NEMP2: variants seen among roughly 807,000 people sequenced by gnomAD.
NEMP2 encodes the protein nuclear envelope integral membrane protein 2, also known as UPF0571 transmembrane protein.
Under a neutral mutation model 54.2 loss-of-function variants are expected in NEMP2, and 53 were observed. The observed-to-expected ratio is 0.98, with a 90% confidence interval of 0.78 to 1.23. The LOEUF is 1.23. Ranked by LOEUF, NEMP2 falls within the 50% of genes most tolerant of loss-of-function variation. The pLI is 0.00. For synonymous variants in NEMP2, 197 were observed against 190.3 expected (o/e 1.04, Z -0.29); for missense variants, 455 against 511.3 (o/e 0.89, Z 1.06).
At chr2:190,603,591 A>G in the NEMP2 span, among the ~76,000 whole-genome samples, 1 of 145,638 alleles carries the variant, frequency 6.9e-6, no homozygotes, top group African/African-American at 2.6e-5. Flanking sequence ...CTAGTATGCA[A>G]TGCATCAGAG....
chr2:190,584,939 G>GAAAGAAAGAAAA, the NEMP2 span, among the ~76,000 whole-genome samples: 236 of 146,026 alleles, frequency 1.6e-3, 2 homozygotes, highest in African/African-American at 5.8e-3. This position sits in a 1 kb window ranked among gnomAD's most constrained non-coding sequence, Gnocchi z 4.2. Context: ...AAGAAAGAAA[G>GAAAGAAAGAAAA]AAAGAAAGAA....
chr2:190,478,507 A>C, the NEMP2 span, among the ~76,000 whole-genome samples: 1 of 152,316 alleles, frequency 6.6e-6, no homozygotes, highest in South Asian at 2.1e-4. Flanking sequence ...TTGTTTTGCT[A>C]GTTTGGATTC....
the NEMP2 span, among the ~76,000 whole-genome samples, chr2:190,467,742 G>C: frequency 4.6e-5 from 7 of 152,054 alleles, no homozygotes; most frequent in Non-Finnish European, 1.0e-4. This position sits in a 1 kb window ranked among gnomAD's most constrained non-coding sequence, Gnocchi z 5.5. Context: ...ATGTTTAAAT[G>C]GTTGAAAAAA....
chr2:190,621,935 C>A, the NEMP2 span, among the ~76,000 whole-genome samples: 1 of 152,032 alleles, frequency 6.6e-6, no homozygotes, highest in East Asian at 1.9e-4. Context: ...ATGGTGAAAC[C>A]CCGTCTCTAC....
At chr2:190,511,852 C>A (rs1690378456) in intron 7 of NEMP2, among the ~76,000 whole-genome samples, 1 of 151,092 alleles carries the variant, frequency 6.6e-6, no homozygotes, top group South Asian at 2.1e-4. Context: ...CTGCGCCCGG[C>A]CTAAAACATT....
In NEMP2 at chr2:190,525,286, T is replaced by C. The variant is rs1690892669; in HGVS notation, c.190A>G (p.Lys64Glu). Residue 64 changes from lysine (K) to glutamate (E), a missense_variant, in exon 2 of 9, where the codon AAA becomes GAA. Physicochemically the swap from Lys to Glu is moderately conservative, Grantham distance 56. Around this residue, in one of 3 missense-constraint regions of NEMP2, gnomAD observed 61 missense variants for 97.5 expected, o/e 0.63. Coordinates refer to ENST00000409150, the MANE Select transcript of NEMP2 (RefSeq NM_001142645.2). This position sits in a 1 kb window ranked among gnomAD's most constrained non-coding sequence, Gnocchi z 5.0. ...CYNQNSQVEW[K>E]YIWSTMQVKI... ...ACCTGCATAGTTGACCATATGTATT[T>C]CCACTCCACTTGGGAATTTTGATTG... 6.5e-7 allele frequency: 1 copy of C among 1,548,134 alleles called. No individual in the cohort carries two copies. Among genetic ancestry groups the C allele is most frequent in the Admixed American group, 2.0e-5 (1 of 50,958 alleles).
the NEMP2 span, among the ~76,000 whole-genome samples, chr2:190,433,723 A>C: frequency 6.6e-6 from 1 of 152,204 alleles, no homozygotes; most frequent in Non-Finnish European, 1.5e-5. The surrounding 1 kb of genome is among the most constrained non-coding windows in gnomAD (Gnocchi z 4.5). Context: ...GACTCCTTAC[A>C]CAGGTCTCCT....
At chr2:190,639,636 G>GTTTTTTTTTTT in the NEMP2 span, among the ~76,000 whole-genome samples, 2 of 143,960 alleles carry the variant, frequency 1.4e-5, no homozygotes, top group Non-Finnish European at 1.5e-5. Context: ...TTATTGTTGA[G>GTTTTTTTTTTT]TTTTTTTTTT....
At chr2:190,460,805 G>A in the NEMP2 span, among the ~76,000 whole-genome samples, 1 of 152,190 alleles carries the variant, frequency 6.6e-6, no homozygotes, top group Admixed American at 6.5e-5. Context: ...TCATCCCTGC[G>A]AGTGGGAGGA....
chr2:190,604,690 C>A, the NEMP2 span, among the ~76,000 whole-genome samples: 1 of 152,154 alleles, frequency 6.6e-6, no homozygotes, highest in African/African-American at 2.4e-5. The surrounding 1 kb of genome is among the most constrained non-coding windows in gnomAD (Gnocchi z 4.5). Context: ...GTCCACTGCA[C>A]CACTCTGCCT....
the NEMP2 span, among the ~76,000 whole-genome samples, chr2:190,478,494 G>T: frequency 9.8e-5 from 15 of 152,316 alleles, no homozygotes; most frequent in Admixed American, 5.2e-4. Flanking sequence ...TGACTGAAGA[G>T]GTTTGTTTTG....
the NEMP2 span, chr2:190,444,772 C>CT: frequency 3.9e-6 from 1 of 254,300 alleles, no homozygotes; most frequent in African/African-American, 2.3e-5. Flanking sequence ...AGTTTTGAAA[C>CT]TGAGTATTAG....
chr2:190,465,425 C>CT, the NEMP2 span, among the ~76,000 whole-genome samples: 5 of 150,912 alleles, frequency 3.3e-5, no homozygotes, highest in African/African-American at 4.9e-5. This position sits in a 1 kb window ranked among gnomAD's most constrained non-coding sequence, Gnocchi z 4.6. Flanking sequence ...CGTGGAGAGA[C>CT]TTTTTTTTTC....
chr2:190,446,827 A>G, the NEMP2 span, among the ~76,000 whole-genome samples: 1 of 152,168 alleles, frequency 6.6e-6, no homozygotes, highest in South Asian at 2.1e-4. Flanking sequence ...GCTGAGCTTA[A>G]ATGTCAACCT....
chr2:190,561,280 G>C, the NEMP2 span, among the ~76,000 whole-genome samples: 2 of 152,178 alleles, frequency 1.3e-5, no homozygotes, highest in Non-Finnish European at 2.9e-5. The surrounding 1 kb of genome is among the most constrained non-coding windows in gnomAD (Gnocchi z 5.4). Flanking sequence ...CCTTAACCCT[G>C]TCTCAGATAG....
the NEMP2 span, chr2:190,488,828 G>T: frequency 6.5e-7 from 1 of 1,531,386 alleles, no homozygotes; most frequent in East Asian, 2.4e-5. This position sits in a 1 kb window ranked among gnomAD's most constrained non-coding sequence, Gnocchi z 6.4. Context: ...GGTAAGAATG[G>T]CTTTCTCCTT....
At chr2:190,584,532 A>G in the NEMP2 span, among the ~76,000 whole-genome samples, 2 of 152,132 alleles carry the variant, frequency 1.3e-5, no homozygotes, top group Non-Finnish European at 2.9e-5. The surrounding 1 kb of genome is among the most constrained non-coding windows in gnomAD (Gnocchi z 4.2). Flanking sequence ...AGAGCACATA[A>G]AAATTCATGC....
At chr2:190,486,147 C>T in the NEMP2 span, among the ~76,000 whole-genome samples, 13 of 152,204 alleles carry the variant, frequency 8.5e-5, no homozygotes, top group Admixed American at 7.2e-4. Context: ...GTTTAGCCTA[C>T]GGCTAATTAT....
chr2:190,532,418 T>C (rs961545644), intron 1 of NEMP2, among the ~76,000 whole-genome samples: 3 of 152,214 alleles, frequency 2.0e-5, no homozygotes, highest in African/African-American at 4.8e-5. Flanking sequence ...TGGACTGTTA[T>C]AGTTTAAGCC....
Sources: allele counts gnomAD v4.1 joint callset (sites outside exome capture counted in the v4.1 genomes callset), GRCh38; gene constraint gnomAD v4.1.1; regional missense constraint gnomAD v4.1.1; non-coding constraint Gnocchi (gnomAD v3.1); transcripts MANE v1.5; gene names NCBI Gene and HGNC (gene_info 2026-07-23, HGNC 2026-07-21).